Variants in CNTNAP5 observed in about 807,000 individuals in gnomAD.
The protein encoded by CNTNAP5 is contactin-associated protein-like 5.
In CNTNAP5, 72 loss-of-function variants were observed where a neutral mutation model predicts 150.2. The observed-to-expected ratio is 0.48, with a 90% CI of 0.40 to 0.58. The LOEUF is 0.58. Among genes scored for constraint, CNTNAP5 ranks in the 20% least tolerant of loss-of-function variants. The pLI is 0.00. For missense variants in CNTNAP5, 1,636 were observed against 1,626.2 expected (o/e 1.01, Z -0.10); for synonymous variants, 672 against 619.8 (o/e 1.08, Z -1.25).
intron 21 of CNTNAP5, among the ~76,000 whole-genome samples, chr2:124,884,528 T>C (rs1678039211): frequency 6.6e-6 from 1 of 152,066 alleles, no homozygotes; most frequent in Non-Finnish European, 1.5e-5. Context: ...AGGAAGTGTC[T>C]GGAATGCATT....
At chr2:124,134,339 C>T (rs964043849) in intron 1 of CNTNAP5, among the ~76,000 whole-genome samples, 2 of 151,324 alleles carry the variant, frequency 1.3e-5, no homozygotes, top group African/African-American at 4.9e-5. Context: ...TACTCCTCCA[C>T]ACTAGTTAGC....
intron 3 of CNTNAP5, among the ~76,000 whole-genome samples, chr2:124,400,912 C>T (rs1047468033): frequency 1.3e-5 from 2 of 151,840 alleles, no homozygotes; most frequent in Non-Finnish European, 2.9e-5. Flanking sequence ...CGCTCTGTTG[C>T]CCAGGCTGGA....
chr2:124,847,099 T>G (rs1268439938), intron 19 of CNTNAP5, among the ~76,000 whole-genome samples: 1 of 152,172 alleles, frequency 6.6e-6, no homozygotes, highest in African/African-American at 2.4e-5. Flanking sequence ...TGTGGCCCTA[T>G]AAGGAGGATG....
At chr2:124,686,273 A>G (rs1445150228) in intron 13 of CNTNAP5, among the ~76,000 whole-genome samples, 1 of 152,102 alleles carries the variant, frequency 6.6e-6, no homozygotes, top group South Asian at 2.1e-4. Context: ...TAAGAAAATT[A>G]TCATATATTT....
At chr2:124,466,469 A>T (rs1693380855) in intron 6 of CNTNAP5, among the ~76,000 whole-genome samples, 1 of 152,120 alleles carries the variant, frequency 6.6e-6, no homozygotes, top group Non-Finnish European at 1.5e-5. Flanking sequence ...ACACTTTTAG[A>T]TAGAGGCAGC....
At chr2:124,706,782 GAA>G (rs1679652777) in intron 13 of CNTNAP5, among the ~76,000 whole-genome samples, 69 of 35,600 alleles carry the variant, frequency 1.9e-3, no homozygotes, top group Non-Finnish European at 2.7e-3. Context: ...AGAAGAAGAA[GAA>G]GAAGAAGAAG....
chr2:124,800,915 T>A (rs1002597176), intron 19 of CNTNAP5, among the ~76,000 whole-genome samples: 9 of 152,000 alleles, frequency 5.9e-5, no homozygotes, highest in African/African-American at 1.9e-4. Flanking sequence ...GCGCCCAAGG[T>A]GGTCAAGGTA....
chr2:124,457,537 T>G (rs1558911084), intron 6 of CNTNAP5, among the ~76,000 whole-genome samples: 1 of 152,086 alleles, frequency 6.6e-6, no homozygotes, highest in Non-Finnish European at 1.5e-5. Context: ...GGAAAATGTC[T>G]TTTTATTAAT....
At chr2:124,745,254 C>T (rs551324282) in intron 13 of CNTNAP5, among the ~76,000 whole-genome samples, 23 of 152,252 alleles carry the variant, frequency 1.5e-4, no homozygotes, top group Admixed American at 3.3e-4. Flanking sequence ...TATAGCCTTT[C>T]GGGTAGTTCA....
chr2:124,788,632 G>A (rs1394917160), intron 17 of CNTNAP5, among the ~76,000 whole-genome samples: 3 of 134,554 alleles, frequency 2.2e-5, no homozygotes, highest in African/African-American at 5.7e-5. Context: ...ACAGAGTCTC[G>A]CCCTGTGGCC....
At chr2:124,431,562 CTTTATATAAACATTATATATAA>C in intron 4 of CNTNAP5, among the ~76,000 whole-genome samples, 1 of 140,272 alleles carries the variant, frequency 7.1e-6, no homozygotes, top group African/African-American at 2.6e-5. Context: ...TATATAATTT[CTTTATATAAACATTATATATAA>C]TTTCTTTATA....
intron 13 of CNTNAP5, among the ~76,000 whole-genome samples, chr2:124,650,140 G>T (rs73955543): frequency 0.013 from 2,020 of 152,226 alleles, 46 homozygotes; most frequent in African/African-American, 0.045. Context: ...TTCATTAATC[G>T]TCTTTCCCCA....
intron 1 of CNTNAP5, among the ~76,000 whole-genome samples, chr2:124,079,158 C>T (rs1682503560): frequency 2.6e-5 from 4 of 152,132 alleles, no homozygotes; most frequent in Admixed American, 2.6e-4. Flanking sequence ...TGATTTGGGG[C>T]AGCAAAAACA....
chr2:124,168,508 A>G (rs931031052), intron 1 of CNTNAP5, among the ~76,000 whole-genome samples: 3 of 152,194 alleles, frequency 2.0e-5, no homozygotes, highest in Non-Finnish European at 2.9e-5. Context: ...GGATGTTAAG[A>G]AAGAGTTGGA....
chr2:124,860,329 G>A (rs1288973642), intron 19 of CNTNAP5, among the ~76,000 whole-genome samples: 3 of 151,488 alleles, frequency 2.0e-5, no homozygotes, highest in South Asian at 2.1e-4. Context: ...CAGTCTGGGC[G>A]ACAGAGCGAG....
At chr2:124,372,366 G>T (rs1389191157) in intron 3 of CNTNAP5, among the ~76,000 whole-genome samples, 1 of 152,022 alleles carries the variant, frequency 6.6e-6, no homozygotes, top group Non-Finnish European at 1.5e-5. Flanking sequence ...ACCGCCTATG[G>T]TGGGACTTTG....
intron 1 of CNTNAP5, among the ~76,000 whole-genome samples, chr2:124,131,741 A>T (rs1683853967): frequency 6.6e-6 from 1 of 152,192 alleles, no homozygotes; most frequent in Admixed American, 6.5e-5. Context: ...TTTTATAGGA[A>T]AAAAAGCCCC....
chr2:124,489,191 A>T (rs1693961961), intron 7 of CNTNAP5, among the ~76,000 whole-genome samples: 1 of 152,204 alleles, frequency 6.6e-6, no homozygotes, highest in Non-Finnish European at 1.5e-5. Flanking sequence ...CTATCACTGT[A>T]TTAGTCTGCT....
intron 1 of CNTNAP5, among the ~76,000 whole-genome samples, chr2:124,161,818 A>G (rs915894167): frequency 6.6e-6 from 1 of 152,210 alleles, no homozygotes; most frequent in African/African-American, 2.4e-5. Flanking sequence ...ATCATTAAAC[A>G]GATCTTGATG....
Sources: gnomAD v4.1 joint callset for allele counts (sites outside exome capture counted in the v4.1 genomes callset) on GRCh38, gnomAD v4.1.1 for gene constraint, MANE v1.5 for transcripts, NCBI Gene and HGNC (gene_info 2026-07-23, HGNC 2026-07-21) for gene names.